The following MGLL variants were observed in gnomAD, a reference collection of about 807,000 sequenced individuals.
MGLL encodes the protein monoglyceride lipase, also known as lysophospholipase homolog.
In MGLL, 7 loss-of-function variants were observed where a neutral mutation model predicts 29.1. The ratio of observed to expected loss-of-function variants is 0.24; its 90% CI spans 0.14 to 0.45. The LOEUF (loss-of-function observed/expected upper bound fraction) is 0.45. Ranked by LOEUF, MGLL falls within the 20% of genes least tolerant of loss-of-function variation. The probability of loss-of-function intolerance (pLI) is 0.99; values close to 1 mark genes in which losing one functional copy is unlikely to be tolerated. For synonymous variants in MGLL, 148 were observed against 168.3 expected (o/e 0.88, Z 0.93); for missense variants, 356 against 413.6 (o/e 0.86, Z 1.21).
At chr3:127,748,081 C>A (rs924820710) in intron 3 of MGLL, among the ~76,000 whole-genome samples, 6 of 152,188 alleles carry the variant, frequency 3.9e-5, no homozygotes, top group Admixed American at 2.0e-4. Flanking sequence ...AGACTCGGAG[C>A]ATTCTAGGAC....
chr3:127,776,110 G>A (rs7635934), intron 3 of MGLL, among the ~76,000 whole-genome samples: 123,422 of 152,122 alleles, frequency 0.81, 50,276 homozygotes, highest in Middle Eastern at 0.9. Context: ...CTGGCTGCCC[G>A]TGCACCTCTC....
chr3:127,780,695 C>T (rs2077109250), intron 3 of MGLL, among the ~76,000 whole-genome samples: 1 of 152,274 alleles, frequency 6.6e-6, no homozygotes, highest in South Asian at 2.1e-4. Context: ...TCCTGTGCAG[C>T]TTCTCCGTAC....
chr3:127,750,838 A>C (rs2076545067), intron 3 of MGLL, among the ~76,000 whole-genome samples: 1 of 152,236 alleles, frequency 6.6e-6, no homozygotes, highest in South Asian at 2.1e-4. Context: ...GAAAGCATGA[A>C]GACAAAACCA....
rs1471032088 is a variant in MGLL at position 127,761,836 on chromosome 3, A to C, written c.262+19953T>G. On this transcript the variant is annotated intron_variant, in intron 3 of 7. Transcript: ENST00000265052. The surrounding 1 kb of genome is among the most constrained non-coding windows in gnomAD (Gnocchi z 4.6). The stretch of plus-strand genomic sequence containing the variant: ...TTCTCAAATGCCCAGACAAGCACTA[A>C]ATATGCGTAGTGCACCCAGCGCACT... Among the ~76,000 whole-genome samples, 3 of 152,120 alleles carry C rather than the reference A, an allele frequency of 2.0e-5. No individual in the cohort carries two copies. The highest frequency in any genetic ancestry group is 1.5e-5 in the Non-Finnish European group (1 of 68,010).
At chr3:127,768,642 C>T (rs1348481831) in intron 3 of MGLL, among the ~76,000 whole-genome samples, 1 of 152,178 alleles carries the variant, frequency 6.6e-6, no homozygotes, top group Non-Finnish European at 1.5e-5. Flanking sequence ...CTGACTCTCC[C>T]TTCTCTCTTT....
intron 3 of MGLL, among the ~76,000 whole-genome samples, chr3:127,726,078 G>T (rs1192741196): frequency 7.1e-6 from 1 of 140,538 alleles, no homozygotes; most frequent in East Asian, 2.1e-4. Context: ...AAAAAAGAAA[G>T]GGAAAGAAAG....
At chr3:127,781,933 A>G (rs1576283132) in intron 2 of MGLL, 38 bp from the exon 3 acceptor site, 1 of 1,601,868 alleles carries the variant, frequency 6.2e-7, no homozygotes, top group Non-Finnish European at 8.5e-7. Flanking sequence ...AGGAAAGCCC[A>G]CACGGGGCTG....
intron 3 of MGLL, among the ~76,000 whole-genome samples, chr3:127,741,840 T>C (rs981774647): frequency 1.3e-5 from 2 of 152,196 alleles, no homozygotes; most frequent in Non-Finnish European, 2.9e-5. Flanking sequence ...GGGCTTAGAG[T>C]TGACTTGTAA....
At chr3:127,791,497 CCCCCTACCCCGA>C (rs766952061) in intron 2 of MGLL, among the ~76,000 whole-genome samples, 1 of 152,166 alleles carries the variant, frequency 6.6e-6, no homozygotes, top group Admixed American at 6.5e-5. Context: ...TCTCTAAGAT[CCCCCTACCCCGA>C]CCCCTACCCC....
rs537899317 is a variant in MGLL, at chr3:127,723,559, C to T, written c.263-993G>A. On this transcript the variant is annotated intron_variant, in intron 3 of 7. Transcript: ENST00000265052. ...CCACACCCACCTTCCCAGTCGCCCC[C>T]CCACGGTCTGTCTGACCATCCCAGT... Among the ~76,000 whole-genome samples, 39 of 152,156 alleles carry T rather than the reference C, an allele frequency of 2.6e-4. No homozygotes were observed. The East Asian group carries it at 6.4e-3, about 25-fold the overall frequency.
chr3:127,743,733 G>A (rs916819179), intron 3 of MGLL, among the ~76,000 whole-genome samples: 1 of 152,146 alleles, frequency 6.6e-6, no homozygotes, highest in Non-Finnish European at 1.5e-5. Context: ...AAGGAAGAGC[G>A]TATGACCACA....
Position 127,710,726 on chromosome 3 carries a change from G to A in MGLL, c.511-61C>T, listed in dbSNP as rs2276743. 21,054 of 1,368,906 alleles carry A rather than the reference G, an allele frequency of 0.015. 2,110 individuals carry two copies. In the East Asian group the frequency reaches 0.3, roughly 20 times the overall value. The allele number at this position is 1,368,906 out of a possible 1,614,324, so 84.8% of individuals were successfully genotyped here. ...AGTGGCATCCACACCCGGCTCTTCC[G>A]CAGTGACAGTTTACAGTACATTAAG... On this transcript the variant is annotated intron_variant, in intron 5 of 7. Coordinates refer to ENST00000265052, the MANE Select transcript of MGLL (RefSeq NM_007283.7).
chr3:127,806,271 A>G (rs1402531895), intron 2 of MGLL, among the ~76,000 whole-genome samples: 1 of 152,280 alleles, frequency 6.6e-6, no homozygotes, highest in Non-Finnish European at 1.5e-5. Context: ...CTTGGAAGGC[A>G]GGGACCATGG....
intron 3 of MGLL, among the ~76,000 whole-genome samples, chr3:127,749,471 G>A (rs763782903): frequency 7.9e-5 from 12 of 152,218 alleles, no homozygotes; most frequent in Non-Finnish European, 1.5e-4. Context: ...AAGGAAAAGT[G>A]CACAGTGCCC....
intron 3 of MGLL, among the ~76,000 whole-genome samples, chr3:127,762,222 G>T (rs1183309529): frequency 6.6e-6 from 1 of 152,088 alleles, no homozygotes; most frequent in Non-Finnish European, 1.5e-5. Flanking sequence ...TTTTGAGCAG[G>T]ACCCCACTGG....
chr3:127,784,486 G>A (rs931926535), intron 2 of MGLL, among the ~76,000 whole-genome samples: 24 of 152,142 alleles, frequency 1.6e-4, no homozygotes, highest in African/African-American at 5.8e-4. Context: ...CTCCCTGGGG[G>A]GTATGCTGGG....
At chr3:127,729,574 T>C (rs149513293) in intron 3 of MGLL, among the ~76,000 whole-genome samples, 1 of 152,352 alleles carries the variant, frequency 6.6e-6, no homozygotes, top group African/African-American at 2.4e-5. Context: ...TGCAACACTA[T>C]CTATAAGAAG....
At chr3:127,765,415 G>A (rs1349621514) in intron 3 of MGLL, among the ~76,000 whole-genome samples, 1 of 152,210 alleles carries the variant, frequency 6.6e-6, no homozygotes, top group Admixed American at 6.5e-5. Context: ...TCAGGCCGCT[G>A]GGCACTAGAA....
Position 127,692,095 on chromosome 3 carries a change from T to C in MGLL, c.*103A>G. On this transcript the variant is annotated 3_prime_UTR_variant, in exon 8 of 8. Transcript: ENST00000265052. ...TGCTAAGGATTTCTCCAATTTCTGA[T>C]TTTTTTTTTTTTTTTTTTTTGGCAA... 2.9e-6 allele frequency: 1 copy of C among 340,604 alleles called. No individual in the cohort carries two copies. Among genetic ancestry groups the C allele is most frequent in the Non-Finnish European group, 4.0e-6 (1 of 248,672 alleles). 21.1% of individuals were successfully genotyped at this position (340,604 alleles called of 1,614,324 possible). A position where few individuals can be genotyped will look rare whatever the true frequency, so the allele number is the denominator to read the frequency against.
Sources: gnomAD v4.1 joint callset for allele counts (sites outside exome capture counted in the v4.1 genomes callset) on GRCh38, gnomAD v4.1.1 for gene constraint, Gnocchi (gnomAD v3.1) non-coding constraint, MANE v1.5 for transcripts, NCBI Gene and HGNC (gene_info 2026-07-23, HGNC 2026-07-21) for gene names.